The following HTRA4 variants were observed in gnomAD, a reference collection of about 807,000 sequenced individuals.
HTRA4 encodes serine protease HTRA4.
HTRA4 carries 46 observed loss-of-function variants against 49.1 expected under a neutral mutation model. The ratio of observed to expected loss-of-function variants is 0.94; its 90% CI spans 0.74 to 1.20. HTRA4 has a LOEUF of 1.20. HTRA4 is among the 50% of genes most tolerant of loss of function. The probability of loss-of-function intolerance (pLI) is 0.00; values close to 1 mark genes in which losing one functional copy is unlikely to be tolerated. For missense variants in HTRA4, 602 were observed against 636.9 expected (o/e 0.95, Z 0.59); for synonymous variants, 261 against 264.0 (o/e 0.99, Z 0.11).
At chr8:38,980,134 C>T (rs917322118) in intron 5 of HTRA4, among the ~76,000 whole-genome samples, 1 of 152,166 alleles carries the variant, frequency 6.6e-6, no homozygotes, top group African/African-American at 2.4e-5. Flanking sequence ...TGCCCAAATA[C>T]ATGTGAAAAC....
In HTRA4 at chr8:38,974,649, T is replaced by C; in HGVS notation, c.386T>C (p.Leu129Pro). Residue 129 changes from leucine to proline, a missense_variant, in exon 1 of 9, where the codon CTC becomes CCC. By Grantham distance (98) the Leu-to-Pro change is moderately conservative. Coordinates refer to ENST00000302495, the MANE Select transcript of HTRA4 (RefSeq NM_153692.4). Reference sequence around the variant, plus strand: ...CGCACCTACCCCAGCATGTGCGCGCTCCGGGCCGAAAACCGCGCCGCGCGC... The same window carrying C: ...CGCACCTACCCCAGCATGTGCGCGCCCCGGGCCGAAAACCGCGCCGCGCGC... Reference protein sequence around the residue: ...DRRTYPSMCALRAENRAARRL... With the variant: ...DRRTYPSMCAPRAENRAARRL... 1 of 1,406,012 alleles carries C rather than the reference T, an allele frequency of 7.1e-7. No homozygotes were observed. The highest frequency in any genetic ancestry group is 9.2e-7 in the Non-Finnish European group (1 of 1,089,508). 87.1% of individuals were successfully genotyped at this position (1,406,012 alleles called of 1,614,324 possible). A position where few individuals can be genotyped will look rare whatever the true frequency, so the allele number is the denominator to read the frequency against.
Position 38,981,760 on chromosome 8 carries a change from G to C in HTRA4, c.1107G>C (p.Gln369His). Residue 369 changes from glutamine to histidine, a missense_variant, in exon 6 of 9, where the codon CAG becomes CAC. By Grantham distance (24) the Gln-to-His change is conservative (BLOSUM62 0). Coordinates refer to ENST00000302495, the MANE Select transcript of HTRA4 (RefSeq NM_153692.4). ...RQFLAEYHEH[Q>H]MKGKAFSNKK... ...TCTTGGCAGAATACCATGAGCACCA[G>C]ATGAAAGGTAAAGCAAGTTGGGATT... 1 of 1,605,524 alleles carries C rather than the reference G, an allele frequency of 6.2e-7. No individual in the cohort carries two copies.
rs568701379 is a variant in HTRA4, at chr8:38,987,876, G to A, written c.1269-60G>A. 265 of 1,399,006 alleles carry A rather than the reference G, an allele frequency of 1.9e-4. 1 individual carries two copies. The African/African-American group carries it at 3.6e-3, about 19-fold the overall frequency. 86.7% of individuals were successfully genotyped at this position (1,399,006 alleles called of 1,614,324 possible). ...AAGACAGAAATATTAAATTATAGATGGGGATAAGTAAAATTCTTGTTATAG... is the reference window on the plus strand; with the variant it reads ...AAGACAGAAATATTAAATTATAGATAGGGATAAGTAAAATTCTTGTTATAG... On this transcript the variant is annotated intron_variant, in intron 8 of 8. Coordinates refer to ENST00000302495, the MANE Select transcript of HTRA4 (RefSeq NM_153692.4).
At position 38,981,884 on chromosome 8, in the gene HTRA4, G is replaced by A. The variant is rs1465760254; in HGVS notation, c.1114+117G>A. 36 of 720,152 alleles carry A rather than the reference G, an allele frequency of 5.0e-5. No individual in the cohort carries two copies. In the South Asian group the frequency reaches 5.2e-4, roughly 10 times the overall value. The allele number at this position is 720,152 out of a possible 1,614,324, so 44.6% of individuals were successfully genotyped here. A position where few individuals can be genotyped will look rare whatever the true frequency, so the allele number is the denominator to read the frequency against. On this transcript the variant is annotated intron_variant, in intron 6 of 8. Coordinates refer to ENST00000302495, the MANE Select transcript of HTRA4 (RefSeq NM_153692.4). ...TTGTTTTTGAGACAGAATTTTGCTC[G>A]TCATCCAGGTTGGAGTGCAGTGGCG...
At position 38,983,066 on chromosome 8, in the gene HTRA4, C is replaced by CT; in HGVS notation, c.1268+21dup. 4 of 1,536,948 alleles carry CT rather than the reference C, an allele frequency of 2.6e-6. No individual in the cohort carries two copies. Among genetic ancestry groups the CT allele is most frequent in the Non-Finnish European group, 3.6e-6 (4 of 1,112,688 alleles). On this transcript the variant is annotated intron_variant, in intron 8 of 8. Coordinates refer to ENST00000302495, the MANE Select transcript of HTRA4 (RefSeq NM_153692.4). The stretch of plus-strand genomic sequence containing the variant: ...GCTCAAAGGTAAGAGAAGTGAAGGC[C>CT]TTTGTCATCTACCTTTGCTTTTTCT...
At chr8:38,981,472 T>G (rs1340420483) in intron 5 of HTRA4, among the ~76,000 whole-genome samples, 181 bp from the exon 6 acceptor site, 1 of 152,080 alleles carries the variant, frequency 6.6e-6, no homozygotes, top group Non-Finnish European at 1.5e-5. Context: ...CCCTTTGCTG[T>G]CCCATCACAC....
At chr8:38,981,079 T>TTTG (rs1217176181) in intron 5 of HTRA4, among the ~76,000 whole-genome samples, 40 of 129,190 alleles carry the variant, frequency 3.1e-4, no homozygotes, top group South Asian at 1.1e-3. Context: ...TTTTTTTTTT[T>TTTG]TTTTTTTTTT....
chr8:38,974,394 G>A lies in HTRA4; in HGVS notation c.131G>A (p.Cys44Tyr). 6.4e-7 allele frequency: 1 copy of A among 1,565,754 alleles called. No individual in the cohort carries two copies. The highest frequency in any genetic ancestry group is 8.6e-7 in the Non-Finnish European group (1 of 1,157,692). Reference protein sequence around the residue: ...LHTQPSCPAVCQPTRCPALPT... With the variant: ...LHTQPSCPAVYQPTRCPALPT... ...ACCCAGCCCTCCTGCCCCGCGGTCT[G>A]CCAGCCCACGCGCTGCCCCGCGCTG... The change falls in exon 1 of 9, where the codon TGC becomes TAC. Residue 44 changes from cysteine to tyrosine, a missense_variant. Transcript: ENST00000302495.
intron 8 of HTRA4, among the ~76,000 whole-genome samples, chr8:38,984,582 A>T (rs982578671): frequency 6.6e-6 from 1 of 151,556 alleles, no homozygotes; most frequent in African/African-American, 2.4e-5. Flanking sequence ...CACCATCCCT[A>T]CTTAAAAAAT....
chr8:38,976,976 C>T (rs537562409), intron 3 of HTRA4, among the ~76,000 whole-genome samples: 132 of 152,204 alleles, frequency 8.7e-4, no homozygotes, highest in Non-Finnish European at 1.6e-3. Context: ...CCCTCTGTCA[C>T]CCAGGCTGGA....
chr8:38,984,125 C>A (rs919780603), intron 8 of HTRA4, among the ~76,000 whole-genome samples: 1 of 151,876 alleles, frequency 6.6e-6, no homozygotes, highest in African/African-American at 2.4e-5. Flanking sequence ...CTCAGCCTCC[C>A]GAGTAGCTGG....
chr8:38,978,887 C>T (rs1027590348), intron 4 of HTRA4, among the ~76,000 whole-genome samples: 21 of 151,256 alleles, frequency 1.4e-4, no homozygotes, highest in Non-Finnish European at 7.4e-5. Context: ...CCCAGCTACT[C>T]AGCAGGCTGA....
rs975263856 is a variant in HTRA4 at position 38,984,124 on chromosome 8, C to T, written c.1268+1076C>T. ...CAAGCAATTCTCCTGCCTCAGCCTC[C>T]CGAGTAGCTGGGATTACAGGCACCC... On this transcript the variant is annotated intron_variant, in intron 8 of 8. Coordinates refer to ENST00000302495, the MANE Select transcript of HTRA4 (RefSeq NM_153692.4). Among the ~76,000 whole-genome samples the T allele has an allele frequency of 2.6e-5, 4 of 151,920 alleles. No individual in the cohort carries two copies. In the East Asian group the frequency reaches 7.8e-4, roughly 30 times the overall value.
At chr8:38,974,799 A>G in intron 1 of HTRA4, 70 bp downstream of exon 1, 2 of 1,362,184 alleles carry the variant, frequency 1.5e-6, no homozygotes, top group Non-Finnish European at 1.9e-6. Context: ...ACAAGACCTC[A>G]CTGAGACCGC....
chr8:38,987,535 G>GT (rs1265255074), intron 8 of HTRA4, among the ~76,000 whole-genome samples: 1 of 152,144 alleles, frequency 6.6e-6, no homozygotes, highest in East Asian at 1.9e-4. Flanking sequence ...ACTGAGCCGA[G>GT]TTTAAGTGTC....
intron 8 of HTRA4, among the ~76,000 whole-genome samples, chr8:38,987,210 C>A (rs1835492272): frequency 6.6e-6 from 1 of 152,260 alleles, no homozygotes; most frequent in South Asian, 2.1e-4. Context: ...GTTCCTTTTT[C>A]AGCCTATTTT....
chr8:38,987,742 T>G (rs928584795), intron 8 of HTRA4, among the ~76,000 whole-genome samples, 194 bp from the exon 9 acceptor site: 2 of 152,312 alleles, frequency 1.3e-5, no homozygotes, highest in South Asian at 4.1e-4. Context: ...ATAAGACAGT[T>G]GTCCTCTAGG....
intron 8 of HTRA4, among the ~76,000 whole-genome samples, chr8:38,984,469 AGGT>A (rs1835460435): frequency 6.6e-6 from 1 of 151,578 alleles, no homozygotes; most frequent in African/African-American, 2.4e-5. Flanking sequence ...AAATTAGGCC[AGGT>A]GCCGTGACTC....
rs1373343926 is a variant in HTRA4 at position 38,988,378 on chromosome 8, A to T, written c.*280A>T. 9.0e-6 allele frequency: 2 copies of T among 223,298 alleles called. No individual in the cohort carries two copies. The highest frequency in any genetic ancestry group is 1.7e-5 in the Non-Finnish European group (2 of 115,298). The allele number at this position is 223,298 out of a possible 1,614,324, so 13.8% of individuals were successfully genotyped here. A position where few individuals can be genotyped will look rare whatever the true frequency, so the allele number is the denominator to read the frequency against. ...TTATCCTCAGCAAACTAACGCAGGAACAGAAAACCAAATACTGCATGTTCT... is the reference window on the plus strand; with the variant it reads ...TTATCCTCAGCAAACTAACGCAGGATCAGAAAACCAAATACTGCATGTTCT... On this transcript the variant is annotated 3_prime_UTR_variant, in exon 9 of 9. Transcript: ENST00000302495.
Sources: gnomAD v4.1 joint callset for allele counts (sites outside exome capture counted in the v4.1 genomes callset) on GRCh38, gnomAD v4.1.1 for gene constraint, MANE v1.5 for transcripts, NCBI Gene and HGNC (gene_info 2026-07-23, HGNC 2026-07-21) for gene names.